The following ZNF609 variants were observed in gnomAD, a reference collection of about 807,000 sequenced individuals.
ZNF609 encodes zinc finger protein 609.
In ZNF609, 11 loss-of-function variants were observed where a neutral mutation model predicts 109.5. That is an observed-to-expected ratio of 0.10 (90% confidence interval 0.06 to 0.17). The LOEUF (loss-of-function observed/expected upper bound fraction) is 0.17, where lower values mean the gene tolerates loss of function less well. Among genes scored for constraint, ZNF609 ranks in the 10% least tolerant of loss-of-function variants. ZNF609 has a pLI of 1.00. For synonymous variants in ZNF609, 646 were observed against 662.0 expected (o/e 0.98, Z 0.37); for missense variants, 1,559 against 1,772.4 (o/e 0.88, Z 2.16).
intron 2 of ZNF609, among the ~76,000 whole-genome samples, chr15:64,535,303 A>G (rs1337867113): frequency 1.3e-5 from 2 of 152,036 alleles, no homozygotes; most frequent in East Asian, 1.9e-4. Context: ...TCCTGCCTCT[A>G]CCTCTCATAG....
chr15:64,579,905 T>C (rs1410745221), intron 2 of ZNF609, among the ~76,000 whole-genome samples: 1 of 152,346 alleles, frequency 6.6e-6, no homozygotes, highest in East Asian at 1.9e-4. Context: ...TTACCTACTA[T>C]GGCAGGTAGG....
At position 64,675,542 on chromosome 15, in the gene ZNF609, G is replaced by C. The variant is rs781183207; in HGVS notation, c.2688G>C (p.Glu896Asp). The change falls in exon 5 of 10, where the codon GAG (glutamate) becomes GAC (aspartate). Residue 896 changes from glutamate (E) to aspartate (D), a missense_variant. Physicochemically the swap from Glu to Asp is conservative, Grantham distance 45. Coordinates refer to ENST00000326648, the MANE Select transcript of ZNF609 (RefSeq NM_015042.2). ...SKDSPYYQGF[E>D]SYYSPSYAQS... ...ACTCACCATATTACCAAGGCTTTGA[G>C]AGTTACTATTCTCCAAGTTATGCAC... The C allele has an allele frequency of 2.5e-6, 4 of 1,614,162 alleles. No homozygotes were observed. The highest frequency in any genetic ancestry group is 3.4e-6 in the Non-Finnish European group (4 of 1,180,040).
intron 3 of ZNF609, among the ~76,000 whole-genome samples, chr15:64,662,234 G>A (rs1466258807): frequency 1.3e-5 from 2 of 152,212 alleles, no homozygotes; most frequent in East Asian, 3.8e-4. Context: ...GAGAAAGCAA[G>A]GAGGAACCCC....
chr15:64,522,873 G>C (rs1260926577), intron 2 of ZNF609, among the ~76,000 whole-genome samples: 1 of 150,862 alleles, frequency 6.6e-6, no homozygotes, highest in Non-Finnish European at 1.5e-5. Flanking sequence ...TTTTTTCTGT[G>C]TAATTTTCTA....
At chr15:64,530,878 G>A (rs1428614958) in intron 2 of ZNF609, among the ~76,000 whole-genome samples, 1 of 152,186 alleles carries the variant, frequency 6.6e-6, no homozygotes, top group Non-Finnish European at 1.5e-5. Context: ...GAAATTAGTT[G>A]TTTATCAGCT....
intron 2 of ZNF609, among the ~76,000 whole-genome samples, chr15:64,558,658 C>T (rs1894628296): frequency 6.6e-6 from 1 of 152,178 alleles, no homozygotes; most frequent in Admixed American, 6.5e-5. Flanking sequence ...GTTTCATTGC[C>T]ACAAGTTCTT....
At chr15:64,484,134 A>G (rs947752162) in intron 1 of ZNF609, among the ~76,000 whole-genome samples, 4 of 151,426 alleles carry the variant, frequency 2.6e-5, no homozygotes, top group Admixed American at 6.6e-5. Context: ...GTTTAGTGAC[A>G]TTCATCTTAT....
At chr15:64,598,742 G>GTA (rs1169879124) in intron 2 of ZNF609, among the ~76,000 whole-genome samples, 796 of 60,134 alleles carry the variant, frequency 0.013, 8 homozygotes, top group East Asian at 0.023. Flanking sequence ...CTTTGTGTGT[G>GTA]TATATATATA....
At chr15:64,543,693 CT>C (rs1285152984) in intron 2 of ZNF609, among the ~76,000 whole-genome samples, 1 of 152,120 alleles carries the variant, frequency 6.6e-6, no homozygotes, top group Non-Finnish European at 1.5e-5. Context: ...ATCCACCCAC[CT>C]CAGCCTCCCA....
rs776722964 is a variant in ZNF609 at position 64,675,332 on chromosome 15, T to G, written c.2478T>G (p.His826Gln). 2.5e-6 allele frequency: 4 copies of G among 1,613,834 alleles called. No individual in the cohort carries two copies. In the African/African-American group the frequency reaches 4.0e-5, roughly 16 times the overall value. ...CTACTCAGCCCCTGACTCCCTTACA[T>G]GTGGTGACCCAGAATGGAGCTGAAG... ...TTPTQPLTPL[H>Q]VVTQNGAEAS... Residue 826 changes from histidine to glutamine, a missense_variant, in exon 5 of 10, where the codon CAT becomes CAG. This residue lies in a region of ZNF609 where 1,204 missense variants were observed against 1,314.1 expected (regional missense o/e 0.92). Coordinates refer to ENST00000326648, the MANE Select transcript of ZNF609 (RefSeq NM_015042.2).
chr15:64,499,600 G>A lies in ZNF609; in HGVS notation c.181G>A (p.Ala61Thr). The A allele has an allele frequency of 3.1e-6, 5 of 1,614,160 alleles. No homozygotes were observed. The highest frequency in any genetic ancestry group is 4.2e-6 in the Non-Finnish European group (5 of 1,180,026). The change falls in exon 2 of 10, where the codon GCT becomes ACT. Residue 61 changes from alanine (A) to threonine (T), a missense_variant. Physicochemically the swap from Ala to Thr is moderately conservative, Grantham distance 58. Coordinates refer to ENST00000326648, the MANE Select transcript of ZNF609 (RefSeq NM_015042.2). ...AGGCTCAAAGGAGGTGGGGATACCG[G>A]CTCCCAATGCTGTGGCCACACTACC... ...MSGSKEVGIP[A>T]PNAVATLPDN...
chr15:64,615,234 A>G (rs1895781531), intron 2 of ZNF609, among the ~76,000 whole-genome samples: 1 of 151,708 alleles, frequency 6.6e-6, no homozygotes, highest in Admixed American at 6.6e-5. Flanking sequence ...CAATCCTCCC[A>G]TCCTCTCAAG....
chr15:64,545,458 C>G (rs983263756), intron 2 of ZNF609, among the ~76,000 whole-genome samples: 3 of 152,126 alleles, frequency 2.0e-5, no homozygotes, highest in African/African-American at 7.2e-5. Context: ...CTCAGCCACC[C>G]AAAGTGCTGG....
At chr15:64,472,199 C>T (rs993958845) in intron 1 of ZNF609, among the ~76,000 whole-genome samples, 1 of 152,228 alleles carries the variant, frequency 6.6e-6, no homozygotes, top group Non-Finnish European at 1.5e-5. Flanking sequence ...AGCCGTGAGC[C>T]ACCACACCCG....
intron 3 of ZNF609, chr15:64,631,482 C>G (rs1199551337): frequency 1.4e-6 from 1 of 714,270 alleles, no homozygotes; most frequent in Admixed American, 1.8e-5. Flanking sequence ...ACAATATCAC[C>G]TTTCTTATAG....
chr15:64,643,444 C>T (rs1896290512), intron 3 of ZNF609, among the ~76,000 whole-genome samples: 1 of 152,156 alleles, frequency 6.6e-6, no homozygotes, highest in Non-Finnish European at 1.5e-5. Flanking sequence ...TTACTCCGAA[C>T]ATCAGTAAAC....
At chr15:64,576,982 G>GTATATATAAACATAAATATATA (rs1257610288) in intron 2 of ZNF609, among the ~76,000 whole-genome samples, 1 of 122,462 alleles carries the variant, frequency 8.2e-6, no homozygotes, top group Non-Finnish European at 1.7e-5. Context: ...ATATATATAT[G>GTATATATAAACATAAATATATA]TATGTATACA....
At chr15:64,474,902 T>A (rs1893144760) in intron 1 of ZNF609, among the ~76,000 whole-genome samples, 2 of 152,182 alleles carry the variant, frequency 1.3e-5, no homozygotes, top group Admixed American at 1.3e-4. Flanking sequence ...CTTTATGATT[T>A]GACCAAACCT....
intron 3 of ZNF609, among the ~76,000 whole-genome samples, chr15:64,652,395 T>TG (rs1295045648): frequency 6.7e-6 from 1 of 150,280 alleles, no homozygotes; most frequent in Non-Finnish European, 1.5e-5. Flanking sequence ...CTAATTTTTT[T>TG]TTTTTTTTTG....
Sources: allele counts gnomAD v4.1 joint callset (sites outside exome capture counted in the v4.1 genomes callset), GRCh38; gene constraint gnomAD v4.1.1; regional missense constraint gnomAD v4.1.1; transcripts MANE v1.5; gene names NCBI Gene and HGNC (gene_info 2026-07-23, HGNC 2026-07-21).